CSGALNACT1: variants seen among roughly 807,000 people sequenced by gnomAD.
The protein encoded by CSGALNACT1 is beta4GalNAcT-1.
Under a neutral mutation model 51.0 loss-of-function variants are expected in CSGALNACT1, and 52 were observed. The observed-to-expected ratio is 1.02, with a 90% confidence interval of 0.82 to 1.29. The LOEUF (loss-of-function observed/expected upper bound fraction) is 1.29, where lower values mean the gene tolerates loss of function less well. CSGALNACT1 is among the 50% of genes most tolerant of loss of function. The probability of loss-of-function intolerance (pLI) is 0.00; values close to 1 mark genes in which losing one functional copy is unlikely to be tolerated. For missense variants in CSGALNACT1, 935 were observed against 679.2 expected, an observed-to-expected ratio of 1.38 and a Z score of -4.19; for synonymous variants, 341 against 254.4, an observed-to-expected ratio of 1.34 and a Z score of -3.24.
At chr8:19,740,064 T>C (rs962744149) in intron 1 of CSGALNACT1, among the ~76,000 whole-genome samples, 3 of 152,140 alleles carry the variant, frequency 2.0e-5, no homozygotes, top group Admixed American at 6.5e-5. Context: ...CATTTAAGTC[T>C]TCTGTTTGTA....
In CSGALNACT1 at chr8:19,666,933, G is replaced by C. The variant is rs1392193492; in HGVS notation, c.-544+15540C>G. Among the ~76,000 whole-genome samples the C allele has an allele frequency of 2.5e-3, 317 of 128,606 alleles. 18 individuals carry two copies. The highest frequency in any genetic ancestry group is 9.0e-3 in the African/African-American group (293 of 32,554). 84.4% of individuals were successfully genotyped at this position (128,606 alleles called of 152,430 possible). On this transcript the variant is annotated intron_variant, in intron 1 of 9. Coordinates refer to the CSGALNACT1 transcript ENST00000332246. ...AGGAAGGGAGGAAGGGAGAGACAGA[G>C]AGAGAGAGAAAAAGAAAGAAAGAAA...
In CSGALNACT1 at chr8:19,657,114, A is replaced by C. The variant is rs184707957; in HGVS notation, c.-544+25359T>G. On this transcript the variant is annotated intron_variant, in intron 1 of 9. Coordinates refer to the CSGALNACT1 transcript ENST00000332246. ...CAAATAAAACCATGTAAAATAAGTA[A>C]AACTTAAAACAAAGAATTTTTTTAT... Among the ~76,000 whole-genome samples the C allele has an allele frequency of 2.2e-3, 338 of 152,008 alleles. 3 individuals are homozygous for C. The highest frequency in any genetic ancestry group is 7.3e-3 in the African/African-American group (302 of 41,444).
chr8:19,663,359 T>C (rs2058922179), intron 1 of CSGALNACT1, among the ~76,000 whole-genome samples: 1 of 152,204 alleles, frequency 6.6e-6, no homozygotes, highest in Non-Finnish European at 1.5e-5. Context: ...TGCTCTTAAG[T>C]CCTCTTCTCG....
At chr8:19,429,038 C>G (rs916426543) in intron 6 of CSGALNACT1, among the ~76,000 whole-genome samples, 2 of 152,122 alleles carry the variant, frequency 1.3e-5, no homozygotes, top group African/African-American at 4.8e-5. Context: ...AAAGGAAATC[C>G]TATACCCAAG....
intron 4 of CSGALNACT1, among the ~76,000 whole-genome samples, chr8:19,498,893 C>A (rs2075941239): frequency 6.6e-6 from 1 of 152,204 alleles, no homozygotes; most frequent in African/African-American, 2.4e-5. Flanking sequence ...GTGGGAGGAT[C>A]ACTTGAGGCC....
At chr8:19,432,697 C>G (rs1471662672) in intron 6 of CSGALNACT1, among the ~76,000 whole-genome samples, 4 of 152,066 alleles carry the variant, frequency 2.6e-5, no homozygotes, top group Non-Finnish European at 1.5e-5. Flanking sequence ...TTCTTCAAAC[C>G]TGCTGTTAAG....
chr8:19,438,100 G>T (rs1002140365), intron 6 of CSGALNACT1, among the ~76,000 whole-genome samples: 5 of 148,608 alleles, frequency 3.4e-5, no homozygotes, highest in South Asian at 4.2e-4. Context: ...TGATGTGCTG[G>T]AAATCTGCCA....
intron 1 of CSGALNACT1, among the ~76,000 whole-genome samples, chr8:19,713,213 T>G (rs115396013): frequency 6.6e-6 from 1 of 152,260 alleles, no homozygotes; most frequent in African/African-American, 2.4e-5. Flanking sequence ...ACTCTCAGGA[T>G]GGTGAGCCGC....
chr8:19,735,647 G>T (rs1589757094), intron 1 of CSGALNACT1, among the ~76,000 whole-genome samples: 1 of 152,014 alleles, frequency 6.6e-6, no homozygotes, highest in African/African-American at 2.4e-5. Context: ...CTATCAGATA[G>T]ACTTAAAAAA....
chr8:19,481,888 A>T (rs991963943), intron 4 of CSGALNACT1, among the ~76,000 whole-genome samples: 2 of 152,256 alleles, frequency 1.3e-5, no homozygotes, highest in African/African-American at 4.8e-5. Flanking sequence ...TCTCAACTGA[A>T]GCAACTTTTG....
At chr8:19,428,738 G>C (rs775627517) in intron 6 of CSGALNACT1, among the ~76,000 whole-genome samples, 1 of 152,066 alleles carries the variant, frequency 6.6e-6, no homozygotes, top group Non-Finnish European at 1.5e-5. Flanking sequence ...TGGTTCCACA[G>C]AGGGAAAGTA....
chr8:19,673,067 T>C (rs1471877069), intron 1 of CSGALNACT1, among the ~76,000 whole-genome samples: 1 of 152,208 alleles, frequency 6.6e-6, no homozygotes, highest in Non-Finnish European at 1.5e-5. Context: ...TAATTTATAA[T>C]GTAGCCTTAG....
intron 3 of CSGALNACT1, among the ~76,000 whole-genome samples, chr8:19,553,041 G>A (rs564780174): frequency 1.3e-3 from 196 of 152,204 alleles, no homozygotes; most frequent in Non-Finnish European, 2.1e-3. Flanking sequence ...TTATGTTATC[G>A]TTTTTGTTAA....
At chr8:19,567,196 G>A (rs2042069415) in intron 3 of CSGALNACT1, among the ~76,000 whole-genome samples, 1 of 152,138 alleles carries the variant, frequency 6.6e-6, no homozygotes, top group Admixed American at 6.6e-5. Context: ...AAAAACCCCA[G>A]ATGTCCTGAG....
At chr8:19,484,448 A>T (rs1244661708) in intron 4 of CSGALNACT1, among the ~76,000 whole-genome samples, 1 of 152,178 alleles carries the variant, frequency 6.6e-6, no homozygotes, top group African/African-American at 2.4e-5. Flanking sequence ...TTTATAAAGG[A>T]AAGAGGTTTA....
At chr8:19,452,346 T>C (rs1293361201) in intron 5 of CSGALNACT1, among the ~76,000 whole-genome samples, 2 of 152,006 alleles carry the variant, frequency 1.3e-5, no homozygotes, top group African/African-American at 4.8e-5. Context: ...ATTTTGGTAT[T>C]TCTACAAATT....
intron 3 of CSGALNACT1, among the ~76,000 whole-genome samples, chr8:19,566,916 C>T: frequency 6.6e-6 from 1 of 152,180 alleles, no homozygotes; most frequent in East Asian, 1.9e-4. Context: ...AAGGGTGAGG[C>T]CCTTGCCATG....
At chr8:19,497,609 T>C (rs959561169) in intron 4 of CSGALNACT1, among the ~76,000 whole-genome samples, 1 of 152,226 alleles carries the variant, frequency 6.6e-6, no homozygotes, top group African/African-American at 2.4e-5. Flanking sequence ...GGGTCACTTC[T>C]GCATAGAGAT....
chr8:19,533,860 T>G (rs1423330358), intron 3 of CSGALNACT1, among the ~76,000 whole-genome samples: 2 of 152,106 alleles, frequency 1.3e-5, no homozygotes, highest in African/African-American at 4.8e-5. Context: ...AAAGCTTAGA[T>G]TTTTTAAAAG....
Sources: allele counts gnomAD v4.1 joint callset (sites outside exome capture counted in the v4.1 genomes callset), GRCh38; gene constraint gnomAD v4.1.1; transcripts MANE v1.5; gene names NCBI Gene and HGNC (gene_info 2026-07-23, HGNC 2026-07-21).